Variants in DCAF8 observed in about 807,000 individuals in gnomAD.
The protein encoded by DCAF8 is DDB1- and CUL4-associated factor 8.
DCAF8 carries 20 observed loss-of-function variants against 68.0 expected under a neutral mutation model. The observed-to-expected ratio is 0.29, with a 90% confidence interval of 0.21 to 0.43. DCAF8 has a LOEUF of 0.43. Ranked by LOEUF, DCAF8 falls within the 20% of genes least tolerant of loss-of-function variation. The pLI, the probability that DCAF8 is intolerant of heterozygous loss-of-function variation, is 1.00. For missense variants in DCAF8, 460 were observed against 771.0 expected, an observed-to-expected ratio of 0.60 and a Z score of 4.78; for synonymous variants, 230 against 276.9, an observed-to-expected ratio of 0.83 and a Z score of 1.68.
chr1:160,242,096 T>C (rs1656137540), intron 3 of DCAF8, among the ~76,000 whole-genome samples: 1 of 152,020 alleles, frequency 6.6e-6, no homozygotes, highest in African/African-American at 2.4e-5. Flanking sequence ...ATACAAAAAA[T>C]TAGCCGGGCG....
At chr1:160,247,511 T>C (rs1049259963) in intron 2 of DCAF8, among the ~76,000 whole-genome samples, 1 of 152,242 alleles carries the variant, frequency 6.6e-6, no homozygotes, top group African/African-American at 2.4e-5. Flanking sequence ...TCTTTTCCTC[T>C]AATATGATGA....
rs968822329 is a variant in DCAF8, at chr1:160,237,356, G to A, written c.865-127C>T. The A allele has an allele frequency of 3.3e-5, 22 of 662,330 alleles. No homozygotes were observed. The African/African-American group carries it at 3.8e-4, about 12-fold the overall frequency. 41.0% of individuals were successfully genotyped at this position (662,330 alleles called of 1,614,324 possible). A position where few individuals can be genotyped will look rare whatever the true frequency, so the allele number is the denominator to read the frequency against. On this transcript the variant is annotated intron_variant, in intron 5 of 13. Transcript: ENST00000368074. ...CAAAAAGAGAAATGTCTACCTTTTT[G>A]TCATAAAATCCCAGGAAAGGACATA...
intron 2 of DCAF8, among the ~76,000 whole-genome samples, chr1:160,246,760 G>C (rs915984657): frequency 6.6e-6 from 1 of 151,860 alleles, no homozygotes; most frequent in African/African-American, 2.4e-5. Context: ...GGCAGGAGTT[G>C]GAGACCAGCC....
At chr1:160,244,694 T>C (rs975069499) in intron 2 of DCAF8, among the ~76,000 whole-genome samples, 6 of 151,908 alleles carry the variant, frequency 3.9e-5, no homozygotes, top group Non-Finnish European at 7.4e-5. Context: ...CTAGGCTCAC[T>C]GCAAGCTCTG....
At chr1:160,239,031 G>A (rs1370878301) in intron 4 of DCAF8, 14 of 484,698 alleles carry the variant, frequency 2.9e-5, no homozygotes, top group Non-Finnish European at 3.8e-5. Flanking sequence ...GTATCTAGCA[G>A]AGGAGAAAAG....
chr1:160,229,852 G>A (rs1655612361), intron 7 of DCAF8, among the ~76,000 whole-genome samples: 1 of 152,090 alleles, frequency 6.6e-6, no homozygotes, highest in Non-Finnish European at 1.5e-5. Flanking sequence ...TGAGACCTCG[G>A]TTCTACTGAA....
At chr1:160,223,999 C>T (rs1411343802) in intron 10 of DCAF8, among the ~76,000 whole-genome samples, 5 of 152,142 alleles carry the variant, frequency 3.3e-5, no homozygotes, top group African/African-American at 1.2e-4. Context: ...ACAAAACAGG[C>T]CAATCTTGGG....
At chr1:160,232,743 A>G (rs2101730991) in intron 6 of DCAF8, among the ~76,000 whole-genome samples, 1 of 152,188 alleles carries the variant, frequency 6.6e-6, no homozygotes, top group Admixed American at 6.5e-5. Context: ...CCTTGAGTCC[A>G]GAAAGTTGAG....
At chr1:160,227,356 C>G (rs1428251272) in intron 7 of DCAF8, among the ~76,000 whole-genome samples, 1 of 152,142 alleles carries the variant, frequency 6.6e-6, no homozygotes, top group Non-Finnish European at 1.5e-5. Context: ...CCTTGACATC[C>G]CCAGCTCACA....
intron 2 of DCAF8, among the ~76,000 whole-genome samples, chr1:160,253,072 T>A (rs1262022625): frequency 3.3e-5 from 5 of 152,112 alleles, no homozygotes; most frequent in Admixed American, 6.6e-5. Flanking sequence ...CTAAGAAGGC[T>A]CTGGGAGAGG....
rs1364303519 is a variant in DCAF8, at chr1:160,240,096, CTCT to C, written c.321_323del (p.Glu112del). The C allele has an allele frequency of 1.9e-6, 3 of 1,608,320 alleles. No individual in the cohort carries two copies. Among genetic ancestry groups the C allele is most frequent in the Non-Finnish European group, 1.7e-6 (2 of 1,175,818 alleles). ...GGCGCCGAGGCTGCTCTTCTTCCTC[CTCT>C]TCTTCCTCCTCTTCCTCTTCCTCTG... is the stretch of plus-strand genomic sequence containing the variant. On this transcript the variant is annotated inframe_deletion, in exon 4 of 14. Transcript: ENST00000368074.
At chr1:160,237,499 T>C (rs1395211049) in intron 5 of DCAF8, among the ~76,000 whole-genome samples, 7 of 152,214 alleles carry the variant, frequency 4.6e-5, no homozygotes, top group Non-Finnish European at 8.8e-5. Flanking sequence ...TATGAACAGA[T>C]AGCAAAGAAA....
rs1311202516 is a variant in DCAF8, at chr1:160,252,288, A to C, written c.-26-8254T>G. On this transcript the variant is annotated intron_variant, in intron 2 of 13. Coordinates refer to ENST00000368074, the MANE Select transcript of DCAF8 (RefSeq NM_015726.4). ...ATAAAAGTATCTATCATTTTTTAAA[A>C]AGATAAATAGAATGCTGTTGTGGTT... is the stretch of plus-strand genomic sequence containing the variant. 6.6e-5 allele frequency among the ~76,000 whole-genome samples: 10 copies of C among 152,378 alleles called. 1 individual carries two copies. In the South Asian group the frequency reaches 1.2e-3, roughly 19 times the overall value.
intron 9 of DCAF8, 90 bp downstream of exon 9, chr1:160,224,972 T>C: frequency 8.1e-7 from 1 of 1,234,518 alleles, no homozygotes; most frequent in Non-Finnish European, 1.2e-6. Flanking sequence ...AGCACAGTGG[T>C]GAGCACTGGA....
At chr1:160,258,529 G>A (rs1571118330) in intron 2 of DCAF8, among the ~76,000 whole-genome samples, 2 of 152,164 alleles carry the variant, frequency 1.3e-5, no homozygotes, top group South Asian at 2.1e-4. Flanking sequence ...GGCTATGCCT[G>A]TAATCCCAGC....
intron 6 of DCAF8, among the ~76,000 whole-genome samples, chr1:160,231,861 C>A (rs1191679759): frequency 6.6e-6 from 1 of 152,142 alleles, no homozygotes; most frequent in Admixed American, 6.5e-5. Flanking sequence ...CTAAAAAAGA[C>A]CTTAAGGTCA....
chr1:160,225,249 G>A, intron 8 of DCAF8, 130 bp from the exon 9 acceptor site: 1 of 869,096 alleles, frequency 1.2e-6, no homozygotes, highest in South Asian at 1.7e-5. Flanking sequence ...ACAGAGACAA[G>A]AGTACAACTG....
At chr1:160,231,629 T>C (rs542736482) in intron 6 of DCAF8, among the ~76,000 whole-genome samples, 245 of 152,342 alleles carry the variant, frequency 1.6e-3, no homozygotes, top group Non-Finnish European at 3.1e-3. Context: ...AAAAAATATG[T>C]AGTGAAGTCA....
intron 7 of DCAF8, 32 bp from the exon 8 acceptor site, chr1:160,225,695 A>C: frequency 6.3e-7 from 1 of 1,584,646 alleles, no homozygotes; most frequent in Non-Finnish European, 8.7e-7. Context: ...AAATGTAAAA[A>C]TGTACAAACG....
Sources: gnomAD v4.1 joint callset for allele counts (sites outside exome capture counted in the v4.1 genomes callset) on GRCh38, gnomAD v4.1.1 for gene constraint, MANE v1.5 for transcripts, NCBI Gene and HGNC (gene_info 2026-07-23, HGNC 2026-07-21) for gene names.